The following PLCB1 variants were observed in gnomAD, a reference collection of about 807,000 sequenced individuals.
PLCB1 encodes 1-phosphatidylinositol 4,5-bisphosphate phosphodiesterase beta-1.
In PLCB1, 46 loss-of-function variants were observed where a neutral mutation model predicts 161.8. The observed-to-expected ratio is 0.28, with a 90% CI of 0.22 to 0.36. The LOEUF is 0.36. Among genes scored for constraint, PLCB1 ranks in the 10% least tolerant of loss-of-function variants. PLCB1 has a pLI of 1.00. For synonymous variants in PLCB1, 517 were observed against 503.7 expected (o/e 1.03, Z -0.35); for missense variants, 1,016 against 1,472.5 (o/e 0.69, Z 5.07).
At chr20:8,393,038 C>T (rs761626984) in intron 3 of PLCB1, among the ~76,000 whole-genome samples, 4 of 152,090 alleles carry the variant, frequency 2.6e-5, no homozygotes, top group Non-Finnish European at 5.9e-5. Flanking sequence ...AATAACCTAA[C>T]TAATTAGACA....
rs140139370 is a variant in PLCB1 at position 8,798,697 on chromosome 20, A to G, written c.3423+8436A>G. On this transcript the variant is annotated intron_variant, in intron 31 of 31. Coordinates refer to ENST00000338037, the MANE Select transcript of PLCB1 (RefSeq NM_015192.4). ...CCATCAACCAGACACATAAATCAAC[A>G]GATCAGCAACAATGCCTGAGTATTA... Among the ~76,000 whole-genome samples, 3 of 152,316 alleles carry G rather than the reference A, an allele frequency of 2.0e-5. No homozygotes were observed. The East Asian group carries it at 5.8e-4, about 29-fold the overall frequency.
intron 2 of PLCB1, among the ~76,000 whole-genome samples, chr20:8,192,845 ATG>A (rs1214446015): frequency 6.6e-6 from 1 of 151,950 alleles, no homozygotes; most frequent in Non-Finnish European, 1.5e-5. Context: ...AGGGGGGCTA[ATG>A]TGTGTGTCAG....
At chr20:8,662,266 A>ATTATTTATTATATAATTAT (rs1989681099) in intron 9 of PLCB1, among the ~76,000 whole-genome samples, 1 of 120,406 alleles carries the variant, frequency 8.3e-6, no homozygotes, top group Non-Finnish European at 1.6e-5. Context: ...TCTATACATA[A>ATTATTTATTATATAATTAT]GTATTTATTA....
At chr20:8,658,903 G>T (rs1989545271) in intron 9 of PLCB1, among the ~76,000 whole-genome samples, 199 bp downstream of exon 9, 1 of 152,092 alleles carries the variant, frequency 6.6e-6, no homozygotes, top group Non-Finnish European at 1.5e-5. Flanking sequence ...TGTCATTGTT[G>T]TTATATGTAT....
At chr20:8,811,915 A>T (rs186928424) in intron 31 of PLCB1, among the ~76,000 whole-genome samples, 1 of 152,214 alleles carries the variant, frequency 6.6e-6, no homozygotes, top group Non-Finnish European at 1.5e-5. Flanking sequence ...AATGTACTTA[A>T]GCACATTTTC....
chr20:8,251,875 G>A (rs937222881), intron 2 of PLCB1, among the ~76,000 whole-genome samples: 10 of 151,870 alleles, frequency 6.6e-5, no homozygotes, highest in African/African-American at 1.7e-4. Context: ...AGGAATGCCC[G>A]TGGATGAAAG....
intron 23 of PLCB1, among the ~76,000 whole-genome samples, chr20:8,756,417 C>A (rs895084115): frequency 6.6e-6 from 1 of 152,136 alleles, no homozygotes; most frequent in South Asian, 2.1e-4. Context: ...TCCATCACAT[C>A]GATTAGCTCA....
intron 23 of PLCB1, among the ~76,000 whole-genome samples, chr20:8,753,084 G>A (rs1981566478): frequency 6.6e-6 from 1 of 152,012 alleles, no homozygotes. Context: ...AAAAATCTAG[G>A]TTGTGGGCTC....
chr20:8,742,295 A>G (rs1421688814), intron 23 of PLCB1, among the ~76,000 whole-genome samples: 3 of 152,174 alleles, frequency 2.0e-5, no homozygotes, highest in Non-Finnish European at 4.4e-5. Flanking sequence ...TATTTTATTC[A>G]GAGGAAAAAC....
At chr20:8,224,465 C>T (rs1016352463) in intron 2 of PLCB1, among the ~76,000 whole-genome samples, 3 of 152,014 alleles carry the variant, frequency 2.0e-5, no homozygotes, top group Non-Finnish European at 4.4e-5. Flanking sequence ...TGGGTTGAGG[C>T]AATTGAGACT....
At chr20:8,843,991 G>A (rs1986600987) in intron 31 of PLCB1, among the ~76,000 whole-genome samples, 1 of 152,220 alleles carries the variant, frequency 6.6e-6, no homozygotes, top group Non-Finnish European at 1.5e-5. Flanking sequence ...TTGACTTTCT[G>A]ATGGATGCTT....
chr20:8,714,401 A>G (rs1979189345), intron 12 of PLCB1, among the ~76,000 whole-genome samples: 1 of 152,196 alleles, frequency 6.6e-6, no homozygotes, highest in Admixed American at 6.5e-5. Context: ...CAGCAGCCAC[A>G]GAGCAGGCTG....
At chr20:8,199,256 G>A (rs754891707) in intron 2 of PLCB1, among the ~76,000 whole-genome samples, 7 of 151,916 alleles carry the variant, frequency 4.6e-5, no homozygotes, top group African/African-American at 1.2e-4. Flanking sequence ...CGCCATTGTC[G>A]GCAGCGCTGT....
chr20:8,429,520 G>A (rs554373225), intron 3 of PLCB1, among the ~76,000 whole-genome samples: 4 of 152,066 alleles, frequency 2.6e-5, no homozygotes, highest in South Asian at 2.1e-4. Flanking sequence ...AGAGTCAAGC[G>A]CCATGCAATA....
chr20:8,292,902 C>T (rs1346455664), intron 2 of PLCB1, among the ~76,000 whole-genome samples: 3 of 152,040 alleles, frequency 2.0e-5, no homozygotes, highest in African/African-American at 4.8e-5. Flanking sequence ...AATCTGTTAC[C>T]ACTGCTGTAC....
At chr20:8,517,259 G>T (rs777645191) in intron 3 of PLCB1, among the ~76,000 whole-genome samples, 16 of 152,130 alleles carry the variant, frequency 1.1e-4, no homozygotes, top group Non-Finnish European at 2.2e-4. Context: ...GAACAAAACA[G>T]AATTTATTGG....
intron 3 of PLCB1, among the ~76,000 whole-genome samples, chr20:8,463,583 C>T (rs1183032983): frequency 1.3e-5 from 2 of 152,128 alleles, no homozygotes; most frequent in Non-Finnish European, 2.9e-5. Context: ...GTAGTTACTA[C>T]AGCCATTTTT....
chr20:8,519,707 T>TA (rs1159448867), intron 3 of PLCB1, among the ~76,000 whole-genome samples: 1 of 152,186 alleles, frequency 6.6e-6, no homozygotes, highest in Non-Finnish European at 1.5e-5. Context: ...ATGCAAATAT[T>TA]ACTATGTAGT....
chr20:8,368,365 T>C (rs1224068511), intron 2 of PLCB1, among the ~76,000 whole-genome samples: 1 of 151,388 alleles, frequency 6.6e-6, no homozygotes, highest in Non-Finnish European at 1.5e-5. Flanking sequence ...CCGTATGTAC[T>C]AAAAATACAA....
Sources: gnomAD v4.1 joint callset for allele counts (sites outside exome capture counted in the v4.1 genomes callset) on GRCh38, gnomAD v4.1.1 for gene constraint, MANE v1.5 for transcripts, NCBI Gene and HGNC (gene_info 2026-07-23, HGNC 2026-07-21) for gene names.